The following RBFOX1 variants were observed in gnomAD, a reference collection of about 807,000 sequenced individuals.
The protein encoded by RBFOX1 is RNA binding protein fox-1 homolog 1.
A neutral mutation model predicts 57.7 loss-of-function variants in RBFOX1; 8 were observed. The ratio of observed to expected loss-of-function variants is 0.14; its 90% CI spans 0.08 to 0.25. RBFOX1 has a LOEUF of 0.25. Ranked by LOEUF, RBFOX1 falls within the 10% of genes least tolerant of loss-of-function variation. RBFOX1 has a pLI of 1.00. For missense variants in RBFOX1, 611 were observed against 548.5 expected (o/e 1.11, Z -1.14); for synonymous variants, 326 against 222.4 (o/e 1.47, Z -4.15).
chr16:5,676,814 A>G (rs1330563050), intron 3 of RBFOX1, among the ~76,000 whole-genome samples: 10 of 152,108 alleles, frequency 6.6e-5, no homozygotes, highest in Non-Finnish European at 1.5e-4. Context: ...GTGATCCGAG[A>G]TTGTACCACT....
intron 1 of RBFOX1, among the ~76,000 whole-genome samples, chr16:6,135,999 C>T (rs1428628808): frequency 1.3e-5 from 2 of 151,572 alleles, no homozygotes; most frequent in South Asian, 2.1e-4. Context: ...TTCACCATGT[C>T]GGCCAGGCTG....
At chr16:6,793,049 G>A (rs1018651662) in intron 3 of RBFOX1, among the ~76,000 whole-genome samples, 3 of 149,984 alleles carry the variant, frequency 2.0e-5, no homozygotes, top group African/African-American at 4.9e-5. Flanking sequence ...AAAAATAGAA[G>A]CGATAATGCT....
At chr16:7,346,603 A>C (rs2097013901) in intron 4 of RBFOX1, among the ~76,000 whole-genome samples, 3 of 151,798 alleles carry the variant, frequency 2.0e-5, no homozygotes, top group African/African-American at 7.3e-5. Context: ...CGTTGCTGAC[A>C]CATCATGGTG....
intron 2 of RBFOX1, among the ~76,000 whole-genome samples, chr16:6,644,125 C>T (rs1351969432): frequency 6.6e-6 from 1 of 152,146 alleles, no homozygotes; most frequent in African/African-American, 2.4e-5. Flanking sequence ...GACTCCATCT[C>T]AATAATAATA....
chr16:6,780,551 T>TTTATATATAC (rs1309278629), intron 3 of RBFOX1, among the ~76,000 whole-genome samples: 1,483 of 127,366 alleles, frequency 0.012, 19 homozygotes, highest in Non-Finnish European at 0.015. Flanking sequence ...TTTACATATA[T>TTTATATATAC]ATTTACATAT....
At chr16:7,422,478 C>G (rs2098552184) in intron 4 of RBFOX1, among the ~76,000 whole-genome samples, 1 of 152,104 alleles carries the variant, frequency 6.6e-6, no homozygotes, top group African/African-American at 2.4e-5. Context: ...GGCAGCAATT[C>G]GATTATGGCA....
intron 1 of RBFOX1, among the ~76,000 whole-genome samples, chr16:6,232,893 A>T (rs2097475535): frequency 6.6e-6 from 1 of 152,154 alleles, no homozygotes; most frequent in Non-Finnish European, 1.5e-5. Flanking sequence ...CCACATGTCC[A>T]GTCTCTTCTG....
chr16:6,085,973 C>G (rs905209868), intron 1 of RBFOX1, among the ~76,000 whole-genome samples: 2 of 152,128 alleles, frequency 1.3e-5, no homozygotes, highest in Non-Finnish European at 2.9e-5. Context: ...GATGCTCTCT[C>G]TTCCCCCAGC....
At chr16:5,720,282 A>G (rs995581908) in intron 3 of RBFOX1, among the ~76,000 whole-genome samples, 2 of 151,958 alleles carry the variant, frequency 1.3e-5, no homozygotes, top group African/African-American at 4.8e-5. Context: ...TTATATTTTG[A>G]TATTGAGTTG....
chr16:7,584,008 G>C (rs188587809), intron 6 of RBFOX1, among the ~76,000 whole-genome samples: 1 of 152,150 alleles, frequency 6.6e-6, no homozygotes, highest in Admixed American at 6.5e-5. Flanking sequence ...TTAATGGAAA[G>C]TTCCATCTAC....
intron 4 of RBFOX1, among the ~76,000 whole-genome samples, chr16:5,935,673 C>G (rs1402376292): frequency 2.0e-5 from 3 of 152,128 alleles, no homozygotes; most frequent in Non-Finnish European, 4.4e-5. Flanking sequence ...GGCGGTCCCT[C>G]CAGAGTCAGC....
intron 2 of RBFOX1, among the ~76,000 whole-genome samples, chr16:6,348,652 G>A (rs1214198786): frequency 6.6e-6 from 1 of 152,172 alleles, no homozygotes; most frequent in Non-Finnish European, 1.5e-5. Flanking sequence ...GCAGGAGGAG[G>A]CATCTCAGAG....
intron 4 of RBFOX1, among the ~76,000 whole-genome samples, chr16:7,458,222 C>G (rs148666932): frequency 2.0e-5 from 3 of 152,116 alleles, no homozygotes. Flanking sequence ...TCTCTGGAGC[C>G]CTAAGTGTGT....
intron 4 of RBFOX1, among the ~76,000 whole-genome samples, chr16:7,255,916 A>G (rs1045995131): frequency 3.4e-4 from 52 of 152,212 alleles, no homozygotes; most frequent in Admixed American, 9.8e-4. Flanking sequence ...GGATAGCACT[A>G]GTCTAGAGGA....
intron 2 of RBFOX1, among the ~76,000 whole-genome samples, chr16:6,504,611 A>C (rs1466979643): frequency 6.6e-6 from 1 of 152,188 alleles, no homozygotes; most frequent in Non-Finnish European, 1.5e-5. Context: ...TCATGTTGGT[A>C]GATAGATGGG....
intron 5 of RBFOX1, among the ~76,000 whole-genome samples, chr16:7,575,118 T>G (rs936687632): frequency 1.3e-5 from 2 of 152,016 alleles, no homozygotes; most frequent in Non-Finnish European, 2.9e-5. Flanking sequence ...CCTCCTGGAT[T>G]TAGGATGGGC....
intron 3 of RBFOX1, among the ~76,000 whole-genome samples, chr16:6,863,656 T>G (rs1164402067): frequency 1.1e-4 from 12 of 111,832 alleles, no homozygotes; most frequent in South Asian, 3.3e-4. Context: ...CAAGGTTCTG[T>G]TTTTTTTTTT....
chr16:7,013,138 G>A (rs767085108), intron 3 of RBFOX1, among the ~76,000 whole-genome samples: 5 of 152,114 alleles, frequency 3.3e-5, no homozygotes, highest in Non-Finnish European at 5.9e-5. Context: ...GAGGGTTAGG[G>A]ATTTCACATA....
chr16:7,476,923 T>G (rs2062840292), intron 4 of RBFOX1, among the ~76,000 whole-genome samples: 1 of 152,170 alleles, frequency 6.6e-6, no homozygotes, highest in Non-Finnish European at 1.5e-5. Flanking sequence ...CCCCCAAAGC[T>G]TTACCAAGCT....
Sources: gnomAD v4.1 joint callset for allele counts (sites outside exome capture counted in the v4.1 genomes callset) on GRCh38, gnomAD v4.1.1 for gene constraint, MANE v1.5 for transcripts, NCBI Gene and HGNC (gene_info 2026-07-23, HGNC 2026-07-21) for gene names.